The following ZNF540 variants were observed in gnomAD, a reference collection of about 807,000 sequenced individuals.
ZNF540 encodes CTD-3064H18.6.
In ZNF540, 3 loss-of-function variants were observed where a neutral mutation model predicts 11.8. The observed-to-expected ratio is 0.25, with a 90% CI of 0.12 to 0.65. ZNF540 has a LOEUF of 0.65. ZNF540 is among the 30% of genes least tolerant of loss of function. The pLI is 0.83. For synonymous variants in ZNF540, 247 were observed against 259.0 expected, an observed-to-expected ratio of 0.95 and a Z score of 0.45; for missense variants, 709 against 793.1, an observed-to-expected ratio of 0.89 and a Z score of 1.27.
chr19:37,584,110 A>C, intron 1 of ZNF540: 1 of 1,613,814 alleles, frequency 6.2e-7, no homozygotes, highest in South Asian at 1.1e-5. Flanking sequence ...GAAACAACAA[A>C]TCCATTACAG....
intron 1 of ZNF540, chr19:37,565,741 C>T: frequency 6.2e-7 from 1 of 1,613,824 alleles, no homozygotes; most frequent in Non-Finnish European, 8.5e-7. Flanking sequence ...TAAAAGCTTT[C>T]CCACATGCGT....
At chr19:37,605,048 C>A (rs375756404) in intron 4 of ZNF540, among the ~76,000 whole-genome samples, 1 of 152,180 alleles carries the variant, frequency 6.6e-6, no homozygotes, top group East Asian at 1.9e-4. Context: ...TGTTTCTAGT[C>A]TTTCGCAGGC....
At chr19:37,590,177 C>T (rs995789705), upstream of ZNF540, among the ~76,000 whole-genome samples, 12 of 151,866 alleles carry the variant, frequency 7.9e-5, no homozygotes, top group South Asian at 2.1e-4. Context: ...GAGGCCAAGG[C>T]GGGTGGATCA....
At chr19:37,554,574 G>A (rs2385124) in intron 1 of ZNF540, among the ~76,000 whole-genome samples, 129,030 of 152,174 alleles carry the variant, frequency 0.85, 55,073 homozygotes, top group African/African-American at 0.94. Context: ...TTAGCTTTGA[G>A]TTCCTTGAGC....
At chr19:37,605,603 A>C (rs938326886) in intron 4 of ZNF540, among the ~76,000 whole-genome samples, 1 of 152,120 alleles carries the variant, frequency 6.6e-6, no homozygotes, top group African/African-American at 2.4e-5. Flanking sequence ...AGCCAAGATC[A>C]CGCCACTGCA....
Position 37,604,296 on chromosome 19 carries a change from C to CTTTTTTTTTTTTTTTTTT in ZNF540, c.232+3203_232+3220dup, listed in dbSNP as rs769163050. ...CATAGAGCTTTGGAAAATAGCCTTA[C>CTTTTTTTTTTTTTTTTTT]TTTTTTTTTTTTTTTTTTTTTTTTT... On this transcript the variant is annotated intron_variant, in intron 4 of 4. Transcript: ENST00000316433. 4.9e-4 allele frequency among the ~76,000 whole-genome samples: 37 copies of CTTTTTTTTTTTTTTTTTT among 75,264 alleles called. 9 individuals carry two copies. Among genetic ancestry groups the CTTTTTTTTTTTTTTTTTT allele is most frequent in the Non-Finnish European group, 7.3e-4 (29 of 39,488 alleles). The allele number at this position is 75,264 out of a possible 152,430, so 49.4% of individuals were successfully genotyped here.
At chr19:37,582,506 G>A (rs7255283) in intron 1 of ZNF540, among the ~76,000 whole-genome samples, 117,848 of 152,008 alleles carry the variant, frequency 0.78, 45,801 homozygotes, top group South Asian at 0.87. Flanking sequence ...CTTGCCTTCC[G>A]TCTAAACCAA....
intron 4 of ZNF540, among the ~76,000 whole-genome samples, chr19:37,602,503 A>T (rs920393021): frequency 6.6e-6 from 1 of 152,150 alleles, no homozygotes; most frequent in Non-Finnish European, 1.5e-5. Flanking sequence ...AGTAGTTGAG[A>T]CAGAAGTCAT....
At chr19:37,579,133 T>C (rs1568352641) in intron 1 of ZNF540, among the ~76,000 whole-genome samples, 2 of 152,132 alleles carry the variant, frequency 1.3e-5, no homozygotes, top group South Asian at 2.1e-4. Flanking sequence ...ACCACCTAAG[T>C]GTTCTGTAGG....
chr19:37,611,294 T>TGAGA, intron 4 of ZNF540: 2 of 326,446 alleles, frequency 6.1e-6, no homozygotes, highest in South Asian at 9.8e-5. Context: ...TCCAAAGTGC[T>TGAGA]GAGATTACAG....
intron 1 of ZNF540, among the ~76,000 whole-genome samples, chr19:37,561,086 T>G (rs1250080657): frequency 8.1e-6 from 1 of 123,386 alleles, no homozygotes; most frequent in African/African-American, 3.0e-5. Flanking sequence ...AAAGAAAAAA[T>G]TTAAATTATC....
chr19:37,592,749 T>C (rs527396602), upstream of ZNF540, among the ~76,000 whole-genome samples: 6 of 152,356 alleles, frequency 3.9e-5, no homozygotes, highest in Admixed American at 2.6e-4. Flanking sequence ...CCTCTAGATC[T>C]AACTGCCTGT....
intron 4 of ZNF540, among the ~76,000 whole-genome samples, chr19:37,608,783 T>C (rs2044104506): frequency 6.6e-6 from 1 of 152,158 alleles, no homozygotes; most frequent in Non-Finnish European, 1.5e-5. Flanking sequence ...CTTAGAGGGC[T>C]GAGTTGGGTA....
upstream of ZNF540, chr19:37,594,500 G>A (rs1157523315): frequency 6.6e-6 from 1 of 152,174 alleles, no homozygotes; most frequent in Non-Finnish European, 1.5e-5. Flanking sequence ...TAAATTCGGT[G>A]CGGAGGAACA....
At chr19:37,566,288 A>C (rs753749082) in intron 1 of ZNF540, 15 of 1,594,386 alleles carry the variant, frequency 9.4e-6, no homozygotes, top group Non-Finnish European at 1.1e-5. Context: ...ACTGGATTCC[A>C]AGTCTGTAGA....
intron 1 of ZNF540, among the ~76,000 whole-genome samples, chr19:37,589,490 A>G (rs911500493): frequency 1.3e-5 from 2 of 152,066 alleles, no homozygotes; most frequent in African/African-American, 2.4e-5. Flanking sequence ...CAATTCATAA[A>G]AAAAAAGTCA....
At chr19:37,590,576 ATATAAT>A (rs1291544103), upstream of ZNF540, among the ~76,000 whole-genome samples, 10 of 152,340 alleles carry the variant, frequency 6.6e-5, no homozygotes, top group South Asian at 1.9e-3. Flanking sequence ...AAATACACTA[ATATAAT>A]TATAGATAAA....
In ZNF540 at chr19:37,611,838, A is replaced by G; in HGVS notation, c.558A>G (p.Lys186=). 6.2e-7 allele frequency: 1 copy of G among 1,614,028 alleles called. No individual in the cohort carries two copies. The highest frequency in any genetic ancestry group is 8.5e-7 in the Non-Finnish European group (1 of 1,179,958). Residue 186 remains lysine, a synonymous_variant, in exon 5 of 5, where the codon AAA becomes AAG. Transcript: ENST00000316433. ...VQHGKIDSDV[K]HDCKECGSTF... is the part of the protein sequence containing the mutation. ...ATGGGAAAATAGATTCTGATGTGAA[A>G]CATGATTGTAAAGAATGTGGGAGTA...
intron 1 of ZNF540, chr19:37,556,283 C>T (rs958292471): frequency 1.2e-5 from 7 of 604,542 alleles, no homozygotes; most frequent in Middle Eastern, 4.3e-4. Flanking sequence ...AGTAGGAAGG[C>T]GCAAAGGACA....
Sources: allele counts gnomAD v4.1 joint callset (sites outside exome capture counted in the v4.1 genomes callset), GRCh38; gene constraint gnomAD v4.1.1; transcripts MANE v1.5; gene names NCBI Gene and HGNC (gene_info 2026-07-23, HGNC 2026-07-21).